The following NTNG1 variants were observed in gnomAD, a reference collection of about 807,000 sequenced individuals.
The protein encoded by NTNG1 is netrin-G1.
Under a neutral mutation model 54.0 loss-of-function variants are expected in NTNG1, and 16 were observed. The ratio of observed to expected loss-of-function variants is 0.30; its 90% CI spans 0.20 to 0.45. The LOEUF (loss-of-function observed/expected upper bound fraction) is 0.45. Ranked by LOEUF, NTNG1 falls within the 20% of genes least tolerant of loss-of-function variation. NTNG1 has a pLI of 1.00. For synonymous variants in NTNG1, 255 were observed against 263.1 expected (o/e 0.97, Z 0.30); for missense variants, 530 against 678.7 (o/e 0.78, Z 2.43).
intron 3 of NTNG1, among the ~76,000 whole-genome samples, chr1:107,343,646 G>T (rs1395365470): frequency 6.6e-6 from 1 of 152,048 alleles, no homozygotes; most frequent in African/African-American, 2.4e-5. Context: ...ATCCCTGAAC[G>T]AATTATACAA....
chr1:107,144,063 T>TA (rs1209890435), intron 1 of NTNG1, among the ~76,000 whole-genome samples: 1 of 152,092 alleles, frequency 6.6e-6, no homozygotes, highest in Non-Finnish European at 1.5e-5. Flanking sequence ...GAGAGACAGT[T>TA]AACAAAAGGA....
intron 2 of NTNG1, among the ~76,000 whole-genome samples, chr1:107,301,301 A>G (rs1666295627): frequency 6.6e-6 from 1 of 152,008 alleles, no homozygotes; most frequent in African/African-American, 2.4e-5. Flanking sequence ...CACAGTGGCT[A>G]AGAGTGGTAC....
At chr1:107,419,410 G>GAAAAAGAAAAAAGA (rs150143080) in intron 5 of NTNG1, among the ~76,000 whole-genome samples, 2,355 of 149,882 alleles carry the variant, frequency 0.016, 30 homozygotes, top group South Asian at 0.04. Context: ...TGTCAAAGAA[G>GAAAAAGAAAAAAGA]AAAAAGAAAA....
chr1:107,401,729 A>G (rs1352743763), intron 4 of NTNG1, among the ~76,000 whole-genome samples: 3 of 151,146 alleles, frequency 2.0e-5, no homozygotes, highest in African/African-American at 7.3e-5. Flanking sequence ...AATAAAGTTC[A>G]GGGCCTGAAA....
chr1:107,332,813 T>C (rs982357733), intron 3 of NTNG1, among the ~76,000 whole-genome samples: 1 of 152,062 alleles, frequency 6.6e-6, no homozygotes, highest in Non-Finnish European at 1.5e-5. Flanking sequence ...TAGAACTAAG[T>C]ATATTAGTTT....
At chr1:107,432,629 A>G (rs1675341759) in intron 6 of NTNG1, among the ~76,000 whole-genome samples, 2 of 152,214 alleles carry the variant, frequency 1.3e-5, no homozygotes, top group Admixed American at 6.5e-5. Flanking sequence ...ATTTATAAAA[A>G]TATATAAATG....
rs1055154995 is a variant in NTNG1 at position 107,484,509 on chromosome 1, A to G, written c.*3669A>G. On this transcript the variant is annotated 3_prime_UTR_variant, in exon 8 of 8. Transcript: ENST00000370068. ...TACTTTTGCACAAGATCCTGCAGAC[A>G]TTTGGGGTCGATCTGCCTGAGGTGC... Among the ~76,000 whole-genome samples the G allele has an allele frequency of 2.0e-5, 3 of 152,196 alleles. No homozygotes were observed. The highest frequency in any genetic ancestry group is 7.2e-5 in the African/African-American group (3 of 41,452).
intron 4 of NTNG1, among the ~76,000 whole-genome samples, chr1:107,396,659 G>A (rs967558229): frequency 6.6e-6 from 1 of 152,106 alleles, no homozygotes; most frequent in African/African-American, 2.4e-5. Flanking sequence ...GTTATTTATT[G>A]CAATACCCTG....
intron 4 of NTNG1, among the ~76,000 whole-genome samples, chr1:107,401,540 C>T (rs927232751): frequency 7.9e-5 from 12 of 152,166 alleles, no homozygotes; most frequent in Admixed American, 3.9e-4. Context: ...GTTTCTACAG[C>T]AAACATGATT....
chr1:107,397,039 T>C (rs1185966854), intron 4 of NTNG1, among the ~76,000 whole-genome samples: 1 of 152,200 alleles, frequency 6.6e-6, no homozygotes, highest in Non-Finnish European at 1.5e-5. Context: ...GTTATTCTCT[T>C]GTTATAATCA....
intron 3 of NTNG1, among the ~76,000 whole-genome samples, chr1:107,363,804 T>C (rs1313915225): frequency 1.3e-5 from 2 of 152,218 alleles, no homozygotes; most frequent in East Asian, 3.8e-4. Flanking sequence ...AACATGCACA[T>C]GTATATTTCC....
intron 3 of NTNG1, among the ~76,000 whole-genome samples, chr1:107,387,475 A>G (rs1672083233): frequency 2.0e-5 from 3 of 152,252 alleles, no homozygotes; most frequent in Admixed American, 6.5e-5. Flanking sequence ...ATTCTGCTTT[A>G]GTAAGCCTAG....
intron 3 of NTNG1, among the ~76,000 whole-genome samples, chr1:107,349,282 C>A (rs1669450316): frequency 6.6e-6 from 1 of 152,074 alleles, no homozygotes; most frequent in Admixed American, 6.6e-5. Context: ...TTATATTACC[C>A]TGTTGTTGTT....
chr1:107,472,537 C>T (rs1056009699), intron 7 of NTNG1, among the ~76,000 whole-genome samples: 19 of 152,052 alleles, frequency 1.2e-4, no homozygotes, highest in East Asian at 1.9e-4. Flanking sequence ...GTTGGACAAA[C>T]GCATGGATGA....
intron 2 of NTNG1, among the ~76,000 whole-genome samples, chr1:107,250,032 A>G (rs1326247267): frequency 1.3e-5 from 2 of 152,112 alleles, no homozygotes; most frequent in Non-Finnish European, 2.9e-5. Context: ...TTTTCTTGTT[A>G]TATAAAAGGA....
intron 2 of NTNG1, among the ~76,000 whole-genome samples, chr1:107,294,728 C>T (rs2101778374): frequency 6.6e-6 from 1 of 152,260 alleles, no homozygotes; most frequent in Admixed American, 6.5e-5. Flanking sequence ...CTTTGCTTTA[C>T]AGAGATTAGT....
chr1:107,330,012 C>T (rs191736509), intron 3 of NTNG1, among the ~76,000 whole-genome samples: 63 of 152,138 alleles, frequency 4.1e-4, no homozygotes, highest in African/African-American at 1.3e-3. Context: ...ATTAGTAAAA[C>T]CTTTGATAAA....
chr1:107,480,528 A>G (rs749617708), intron 7 of NTNG1, 83 bp from the exon 8 acceptor site: 16 of 830,364 alleles, frequency 1.9e-5, no homozygotes, highest in Non-Finnish European at 2.8e-5. Flanking sequence ...TAGGCTGAAA[A>G]CATGATGTAC....
chr1:107,176,344 A>G (rs1557782600), intron 2 of NTNG1, among the ~76,000 whole-genome samples: 1 of 152,212 alleles, frequency 6.6e-6, no homozygotes, highest in Non-Finnish European at 1.5e-5. Flanking sequence ...ATGCATTTTC[A>G]TAGACATGAA....
Sources: allele counts gnomAD v4.1 joint callset (sites outside exome capture counted in the v4.1 genomes callset), GRCh38; gene constraint gnomAD v4.1.1; transcripts MANE v1.5; gene names NCBI Gene and HGNC (gene_info 2026-07-23, HGNC 2026-07-21).